Variants in SPIRE1 observed in about 807,000 individuals in gnomAD.
The protein encoded by SPIRE1 is spire type actin nucleation factor 1.
In SPIRE1, 40 loss-of-function variants were observed where a neutral mutation model predicts 94.1. The observed-to-expected ratio is 0.43, with a 90% CI of 0.33 to 0.55. The LOEUF (loss-of-function observed/expected upper bound fraction) is 0.55. SPIRE1 is among the 20% of genes least tolerant of loss of function. The probability of loss-of-function intolerance (pLI) is 0.06; values close to 1 mark genes in which losing one functional copy is unlikely to be tolerated. For missense variants in SPIRE1, 838 were observed against 975.2 expected (o/e 0.86, Z 1.87); for synonymous variants, 376 against 371.7 (o/e 1.01, Z -0.13).
At chr18:12,615,362 ATATATATATATGCATG>A in intron 2 of SPIRE1, among the ~76,000 whole-genome samples, 1 of 89,620 alleles carries the variant, frequency 1.1e-5, no homozygotes, top group African/African-American at 3.7e-5. Context: ...ATATATATAT[ATATATATATATGCATG>A]TATATAAAAA....
At chr18:12,472,370 T>TC (rs1387506662) in intron 10 of SPIRE1, among the ~76,000 whole-genome samples, 1 of 148,414 alleles carries the variant, frequency 6.7e-6, no homozygotes, top group African/African-American at 2.5e-5. Flanking sequence ...CCCTGTGCTT[T>TC]TTTTTTTTTT....
At chr18:12,635,326 C>T (rs973062866) in intron 1 of SPIRE1, among the ~76,000 whole-genome samples, 4 of 152,018 alleles carry the variant, frequency 2.6e-5, no homozygotes, top group African/African-American at 7.2e-5. Context: ...AAATGCTTAA[C>T]TGTAATAAGA....
At chr18:12,461,432 G>GTACA (rs1291218583) in intron 12 of SPIRE1, among the ~76,000 whole-genome samples, 2 of 55,692 alleles carry the variant, frequency 3.6e-5, no homozygotes, top group Admixed American at 1.5e-4. Context: ...GTGTGTGTAT[G>GTACA]TATGTATATA....
intron 2 of SPIRE1, among the ~76,000 whole-genome samples, chr18:12,617,596 A>G (rs966804323): frequency 3.9e-5 from 6 of 152,084 alleles, no homozygotes; most frequent in African/African-American, 1.2e-4. Context: ...TTTTTAGTAG[A>G]GACGGGGTTT....
rs572699233 is a variant in SPIRE1 at position 12,638,624 on chromosome 18, T to C, written c.338-3528A>G. Among the ~76,000 whole-genome samples the C allele has an allele frequency of 2.3e-3, 350 of 152,248 alleles. 3 individuals carry two copies. The highest frequency in any genetic ancestry group is 0.014 in the South Asian group (68 of 4,806). On this transcript the variant is annotated intron_variant, in intron 1 of 16. Coordinates refer to ENST00000409402, the MANE Select transcript of SPIRE1 (RefSeq NM_001128626.2). ...TTCTAATCCTCTTGATATGGTTTGG[T>C]TCTATGCCCCCACCCAAATCTCCTG...
At chr18:12,481,991 C>G (rs962223312) in intron 9 of SPIRE1, among the ~76,000 whole-genome samples, 2 of 152,164 alleles carry the variant, frequency 1.3e-5, no homozygotes, top group Admixed American at 6.5e-5. Flanking sequence ...CAGCAGGTCA[C>G]TTTCTAATTA....
intron 2 of SPIRE1, among the ~76,000 whole-genome samples, chr18:12,589,592 A>G (rs1296145399): frequency 4.6e-5 from 7 of 152,224 alleles, no homozygotes. Flanking sequence ...AGGTAGAACT[A>G]GCCTGTTCTG....
intron 3 of SPIRE1, among the ~76,000 whole-genome samples, chr18:12,541,357 C>T (rs916940367): frequency 6.6e-6 from 1 of 152,106 alleles, no homozygotes; most frequent in Admixed American, 6.5e-5. Flanking sequence ...GTTTGTTATT[C>T]TCATTATCCA....
At chr18:12,649,502 T>C (rs991507040) in intron 1 of SPIRE1, among the ~76,000 whole-genome samples, 2 of 152,232 alleles carry the variant, frequency 1.3e-5, no homozygotes, top group African/African-American at 2.4e-5. Flanking sequence ...AAGAAGTTAT[T>C]TTCCTTTTTT....
At chr18:12,634,511 G>T (rs528115032) in intron 2 of SPIRE1, among the ~76,000 whole-genome samples, 2 of 152,012 alleles carry the variant, frequency 1.3e-5, no homozygotes, top group South Asian at 4.2e-4. Flanking sequence ...TAATAATACG[G>T]TTAAATTTTA....
chr18:12,466,161 A>G (rs371465704), intron 10 of SPIRE1, among the ~76,000 whole-genome samples: 9 of 152,324 alleles, frequency 5.9e-5, no homozygotes, highest in African/African-American at 2.2e-4. Flanking sequence ...ACCAGTGAGA[A>G]GAGATCCTAA....
rs2033300450 is a variant in SPIRE1, at chr18:12,493,096, C to G, written c.1165G>C (p.Glu389Gln). ...CCTAATCTGCTACGTCTAATCTCCTCTGGTGATACAGGCCGCAGCTTTCTT... is the reference window on the plus strand; with the variant it reads ...CCTAATCTGCTACGTCTAATCTCCTGTGGTGATACAGGCCGCAGCTTTCTT... ...AERKLRPVSP[E>Q]EIRRSRLAMR... Residue 389 changes from glutamate to glutamine, a missense_variant, in exon 8 of 17, where the codon GAG becomes CAG. Around this residue, in one of 2 missense-constraint regions of SPIRE1, gnomAD observed 645 missense variants for 804.7 expected, o/e 0.80. Transcript: ENST00000409402. 1.2e-6 allele frequency: 2 copies of G among 1,613,240 alleles called. No homozygotes were observed. Among genetic ancestry groups the G allele is most frequent in the Middle Eastern group, 1.8e-4 (1 of 5,642 alleles).
At chr18:12,536,210 G>T in intron 3 of SPIRE1, among the ~76,000 whole-genome samples, 1 of 152,126 alleles carries the variant, frequency 6.6e-6, no homozygotes, top group East Asian at 1.9e-4. Flanking sequence ...GAGAACCACC[G>T]TTTATTGTAT....
At chr18:12,592,816 G>A (rs1039383146) in intron 2 of SPIRE1, among the ~76,000 whole-genome samples, 3 of 152,304 alleles carry the variant, frequency 2.0e-5, no homozygotes, top group Admixed American at 1.3e-4. Flanking sequence ...ACAATATAGA[G>A]AGCTGTAGAT....
intron 7 of SPIRE1, among the ~76,000 whole-genome samples, chr18:12,495,206 T>C (rs1455600065): frequency 6.6e-6 from 1 of 152,188 alleles, no homozygotes; most frequent in Non-Finnish European, 1.5e-5. Context: ...GAGGCTTTGG[T>C]GAGCACTGGC....
chr18:12,617,383 CTT>C (rs2037342581), intron 2 of SPIRE1, among the ~76,000 whole-genome samples: 1 of 151,516 alleles, frequency 6.6e-6, no homozygotes, highest in Non-Finnish European at 1.5e-5. Flanking sequence ...CCCAGCAAAT[CTT>C]TTTGTTTTTT....
chr18:12,514,897 T>C (rs1337057919), intron 4 of SPIRE1, among the ~76,000 whole-genome samples: 1 of 152,164 alleles, frequency 6.6e-6, no homozygotes, highest in African/African-American at 2.4e-5. Flanking sequence ...GAGGTAATTA[T>C]AGTATTAAAC....
chr18:12,644,898 C>G (rs780882303), intron 1 of SPIRE1, among the ~76,000 whole-genome samples: 14 of 152,234 alleles, frequency 9.2e-5, no homozygotes, highest in Non-Finnish European at 1.0e-4. Flanking sequence ...AGTCTCATAA[C>G]AATTTCACAA....
At chr18:12,614,914 C>A (rs1167631860) in intron 2 of SPIRE1, among the ~76,000 whole-genome samples, 1 of 147,148 alleles carries the variant, frequency 6.8e-6, no homozygotes, top group African/African-American at 2.5e-5. Context: ...TATGGCCAGG[C>A]CCGGTGGCTC....
Sources: gnomAD v4.1 joint callset for allele counts (sites outside exome capture counted in the v4.1 genomes callset) on GRCh38, gnomAD v4.1.1 for gene constraint, gnomAD v4.1.1 regional missense constraint, MANE v1.5 for transcripts, NCBI Gene and HGNC (gene_info 2026-07-23, HGNC 2026-07-21) for gene names.